SPAG17: variants seen among roughly 807,000 people sequenced by gnomAD.
SPAG17 encodes the protein sperm-associated antigen 17.
In SPAG17, 169 loss-of-function variants were observed where a neutral mutation model predicts 273.6. The ratio of observed to expected loss-of-function variants is 0.62; its 90% CI spans 0.55 to 0.70. SPAG17 has a LOEUF of 0.70. Ranked by LOEUF, SPAG17 falls within the 30% of genes least tolerant of loss-of-function variation. SPAG17 has a pLI of 0.00. For synonymous variants in SPAG17, 825 were observed against 873.2 expected (o/e 0.94, Z 0.97); for missense variants, 2,557 against 2,627.8 (o/e 0.97, Z 0.59).
chr1:118,022,516 T>C (rs143610817), intron 28 of SPAG17, among the ~76,000 whole-genome samples: 125 of 152,252 alleles, frequency 8.2e-4, no homozygotes, highest in African/African-American at 2.9e-3. Context: ...GCATTGATTA[T>C]CATGTTGAAT....
intron 31 of SPAG17, 86 bp from the exon 32 acceptor site, chr1:118,005,688 AC>A: frequency 2.1e-6 from 2 of 952,754 alleles, no homozygotes; most frequent in Non-Finnish European, 2.9e-6. Flanking sequence ...GAGAAAGAAT[AC>A]CCATAGATCC....
At chr1:118,047,951 C>T (rs1283895964) in intron 20 of SPAG17, among the ~76,000 whole-genome samples, 2 of 152,190 alleles carry the variant, frequency 1.3e-5, no homozygotes, top group Non-Finnish European at 1.5e-5. Context: ...AGGTTCCAGG[C>T]CCATCCCAAT....
chr1:118,013,240 C>T (rs764102155), intron 29 of SPAG17, among the ~76,000 whole-genome samples: 1 of 152,186 alleles, frequency 6.6e-6, no homozygotes, highest in Non-Finnish European at 1.5e-5. Flanking sequence ...TAATGTTTCA[C>T]TGAAGGTCTG....
At chr1:118,064,951 TC>T (rs1180482420) in intron 18 of SPAG17, among the ~76,000 whole-genome samples, 1 of 151,206 alleles carries the variant, frequency 6.6e-6, no homozygotes, top group Non-Finnish European at 1.5e-5. Flanking sequence ...ATCAGAATAA[TC>T]CAAGGAAATT....
Position 117,953,661 on chromosome 1 carries a change from G to T in SPAG17, c.*389C>A. On this transcript the variant is annotated 3_prime_UTR_variant, in exon 49 of 49. Coordinates refer to ENST00000336338, the MANE Select transcript of SPAG17 (RefSeq NM_206996.4). ...TGGCAAAAAGTTGATGAGATTTAAA[G>T]ATGGGGATTATAACCTGTTTCCTTC... The T allele has an allele frequency of 1.1e-6, 1 of 906,194 alleles. No homozygotes were observed. The highest frequency in any genetic ancestry group is 1.7e-6 in the Non-Finnish European group (1 of 595,510). The allele number at this position is 906,194 out of a possible 1,614,324, so 56.1% of individuals were successfully genotyped here.
chr1:118,011,743 AACACAC>A (rs531897533), intron 30 of SPAG17, among the ~76,000 whole-genome samples: 1 of 151,440 alleles, frequency 6.6e-6, no homozygotes, highest in African/African-American at 2.4e-5. Flanking sequence ...ACATAAATAA[AACACAC>A]ACACACACAG....
At chr1:118,074,377 C>A (rs77860357) in intron 16 of SPAG17, among the ~76,000 whole-genome samples, 162 bp downstream of exon 16, 1 of 152,140 alleles carries the variant, frequency 6.6e-6, no homozygotes, top group African/African-American at 2.4e-5. Context: ...CCTTTCTGTC[C>A]AGTTGGAGCT....
Position 118,055,829 on chromosome 1 carries a change from T to C in SPAG17, c.2626A>G (p.Lys876Glu), listed in dbSNP as rs112258509. 112 of 1,613,212 alleles carry C rather than the reference T, an allele frequency of 6.9e-5. No individual in the cohort carries two copies. The African/African-American group carries it at 1.2e-3, about 17-fold the overall frequency. ...AIYQESKMNEKIIRTRAELEL... is the reference protein window; with the variant it reads ...AIYQESKMNEEIIRTRAELEL... ...AGCTCAGCTCTGGTCCTGATGATTT[T>C]CTCATTCATTTTAGATTCCTGATAT... The change falls in exon 19 of 49, where the codon AAA becomes GAA. Residue 876 changes from lysine (K) to glutamate (E), a missense_variant. Coordinates refer to ENST00000336338, the MANE Select transcript of SPAG17 (RefSeq NM_206996.4).
At chr1:118,094,290 C>T (rs1655573873) in intron 7 of SPAG17, among the ~76,000 whole-genome samples, 2 of 152,202 alleles carry the variant, frequency 1.3e-5, no homozygotes, top group South Asian at 4.1e-4. Flanking sequence ...GCCCAATGAT[C>T]CCTTAGCTTA....
chr1:117,989,229 T>C (rs1190475686), intron 38 of SPAG17, among the ~76,000 whole-genome samples: 1 of 152,176 alleles, frequency 6.6e-6, no homozygotes, highest in Non-Finnish European at 1.5e-5. Context: ...TGAGGCTGTG[T>C]AATTCATAAA....
intron 28 of SPAG17, among the ~76,000 whole-genome samples, chr1:118,021,919 A>G (rs1433577758): frequency 1.3e-5 from 2 of 152,220 alleles, no homozygotes; most frequent in African/African-American, 4.8e-5. Flanking sequence ...TTCTCTAACC[A>G]GAAACCTTCT....
At chr1:118,039,482 G>T in intron 22 of SPAG17, 38 bp from the exon 23 acceptor site, 1 of 1,603,792 alleles carries the variant, frequency 6.2e-7, no homozygotes. Context: ...GGGCTGATTA[G>T]GATGCCACAT....
At chr1:118,139,952 T>A (rs1658577704) in intron 3 of SPAG17, among the ~76,000 whole-genome samples, 1 of 152,084 alleles carries the variant, frequency 6.6e-6, no homozygotes, top group Admixed American at 6.6e-5. Context: ...AATAGATTAA[T>A]AGATGATCAC....
rs1278070746 is a variant in SPAG17 at position 118,025,318 on chromosome 1, G to C, written c.3829C>G (p.Pro1277Ala). 1 of 1,613,510 alleles carries C rather than the reference G, an allele frequency of 6.2e-7. No individual in the cohort carries two copies. Among genetic ancestry groups the C allele is most frequent in the Non-Finnish European group, 8.5e-7 (1 of 1,179,724 alleles). Reference protein sequence around the residue: ...KHYEFYKTVMPPAEQEASRVI... With the variant: ...KHYEFYKTVMAPAEQEASRVI... ...CTTGAAGCCTCCTGCTCTGCGGGTG[G>C]CATCACCGTTTTATAGAACTCATAG... Residue 1277 changes from proline (P) to alanine (A), a missense_variant, in exon 27 of 49, where the codon CCA becomes GCA. Physicochemically the swap from Pro to Ala is conservative, Grantham distance 27. Coordinates refer to ENST00000336338, the MANE Select transcript of SPAG17 (RefSeq NM_206996.4).
intron 3 of SPAG17, among the ~76,000 whole-genome samples, chr1:118,129,840 T>C (rs1170160087): frequency 6.6e-6 from 1 of 152,040 alleles, no homozygotes; most frequent in Non-Finnish European, 1.5e-5. Context: ...CCTCTTCTTC[T>C]TCCATTTAGA....
rs766534889 is a variant in SPAG17, at chr1:118,074,598, G to A, written c.2212C>T (p.Gln738Ter). ...KAQPQHESLE[Q>*]TTNNEIKDDA... ...TCTTTGATCTCATTGTTTGTGGTCT[G>A]CTCTGCAAATCAAAGACACCAACAT... The change falls in exon 16 of 49, where the codon CAG becomes TAG. Residue 738 changes from glutamine (Q) to a stop codon, truncating the protein, a stop_gained and splice_region_variant. Coordinates refer to ENST00000336338, the MANE Select transcript of SPAG17 (RefSeq NM_206996.4). LOFTEE classifies it high-confidence loss of function. 1.1e-5 allele frequency: 17 copies of A among 1,613,208 alleles called. No individual in the cohort carries two copies. Among genetic ancestry groups the A allele is most frequent in the Admixed American group, 5.0e-5 (3 of 59,960 alleles).
In SPAG17 at chr1:118,149,649, T is replaced by A. The variant is rs193129753; in HGVS notation, c.315+894A>T. 2.7e-3 allele frequency among the ~76,000 whole-genome samples: 404 copies of A among 152,298 alleles called. 4 individuals carry two copies. Among genetic ancestry groups the A allele is most frequent in the Non-Finnish European group, 2.3e-3 (158 of 68,018 alleles). Reference sequence around the variant, plus strand: ...CTATTGTGAATAAATCCAATGAAACTTGTTCAGATAGTACTCAAGCAATAC... The same window carrying A: ...CTATTGTGAATAAATCCAATGAAACATGTTCAGATAGTACTCAAGCAATAC... On this transcript the variant is annotated intron_variant, in intron 3 of 48. Transcript: ENST00000336338.
chr1:118,173,783 C>T (rs778874137), intron 1 of SPAG17, among the ~76,000 whole-genome samples: 5 of 150,642 alleles, frequency 3.3e-5, no homozygotes, highest in Non-Finnish European at 5.9e-5. Flanking sequence ...TTGCTTGAGC[C>T]TGGGAGGTCA....
intron 1 of SPAG17, among the ~76,000 whole-genome samples, chr1:118,164,412 GT>G (rs1660066214): frequency 5.7e-5 from 1 of 17,580 alleles, no homozygotes; most frequent in Non-Finnish European, 1.4e-4. Flanking sequence ...AAATTTGTCA[GT>G]CAGTCTGAAG....
Sources: allele counts gnomAD v4.1 joint callset (sites outside exome capture counted in the v4.1 genomes callset), GRCh38; gene constraint gnomAD v4.1.1; transcripts MANE v1.5; gene names NCBI Gene and HGNC (gene_info 2026-07-23, HGNC 2026-07-21).